Variants in FGD4 observed in about 807,000 individuals in gnomAD.
FGD4 encodes the protein FYVE, RhoGEF and PH domain containing 4, also known as FYVE, RhoGEF and PH domain-containing protein 4.
A neutral mutation model predicts 102.0 loss-of-function variants in FGD4; 42 were observed. The ratio of observed to expected loss-of-function variants is 0.41; its 90% CI spans 0.32 to 0.53. The LOEUF (loss-of-function observed/expected upper bound fraction) is 0.53, where lower values mean the gene tolerates loss of function less well. Among genes scored for constraint, FGD4 ranks in the 20% least tolerant of loss-of-function variants. The pLI, the probability that FGD4 is intolerant of heterozygous loss-of-function variation, is 0.21. For synonymous variants in FGD4, 380 were observed against 375.7 expected, an observed-to-expected ratio of 1.01 and a Z score of -0.13; for missense variants, 902 against 1,078.2, an observed-to-expected ratio of 0.84 and a Z score of 2.29.
Position 32,564,245 on chromosome 12 carries a change from G to T in FGD4, c.275G>T (p.Gly92Val), listed in dbSNP as rs1212922587. 2 of 1,535,990 alleles carry T rather than the reference G, an allele frequency of 1.3e-6. No individual in the cohort carries two copies. The highest frequency in any genetic ancestry group is 1.7e-6 in the Non-Finnish European group (2 of 1,146,916). ...VSEEEAQGINGNRPAKHSAAS... is the reference protein window; with the variant it reads ...VSEEEAQGINVNRPAKHSAAS... The stretch of plus-strand genomic sequence containing the variant: ...GAAGAAGAGGCTCAGGGAATAAATG[G>T]GAACAGGCCAGCAAAACACTCAGCT... Residue 92 changes from glycine to valine, a missense_variant, in exon 2 of 17, where the codon GGG (glycine) becomes GTG (valine). Gly to Val is a moderately radical substitution (Grantham distance 109). Transcript: ENST00000534526.
At chr12:32,458,638 C>T (rs556841846) in intron 1 of FGD4, among the ~76,000 whole-genome samples, 10 of 152,280 alleles carry the variant, frequency 6.6e-5, no homozygotes, top group Admixed American at 1.3e-4. Context: ...AGTGCTCCAT[C>T]GCCCATAACA....
chr12:32,625,626 TA>T, intron 13 of FGD4, 27 bp from the exon 14 acceptor site: 1 of 1,610,860 alleles, frequency 6.2e-7, no homozygotes, highest in Non-Finnish European at 8.5e-7. Flanking sequence ...TTTTTTCTAT[TA>T]AAATTGAATC....
At chr12:32,481,626 G>A (rs1485034359) in intron 1 of FGD4, among the ~76,000 whole-genome samples, 1 of 152,088 alleles carries the variant, frequency 6.6e-6, no homozygotes, top group Non-Finnish European at 1.5e-5. Context: ...TTCAAGACCA[G>A]CCTGACCAAC....
At chr12:32,459,296 C>T (rs1002112126) in intron 1 of FGD4, among the ~76,000 whole-genome samples, 6 of 150,302 alleles carry the variant, frequency 4.0e-5, no homozygotes, top group Non-Finnish European at 4.4e-5. Context: ...CAGGTTCAAG[C>T]GATTCTCATG....
chr12:32,639,670 A>G (rs1951054338), intron 16 of FGD4, among the ~76,000 whole-genome samples: 1 of 152,226 alleles, frequency 6.6e-6, no homozygotes, highest in Non-Finnish European at 1.5e-5. Context: ...ACCAGGTCCT[A>G]TGATTGTGTT....
At chr12:32,450,774 C>T (rs546158097) in intron 1 of FGD4, among the ~76,000 whole-genome samples, 1 of 152,278 alleles carries the variant, frequency 6.6e-6, no homozygotes, top group East Asian at 1.9e-4. Context: ...CTGACATATC[C>T]ACTTCTGATC....
At chr12:32,417,499 C>G (rs1344696829) in intron 1 of FGD4, among the ~76,000 whole-genome samples, 1 of 151,894 alleles carries the variant, frequency 6.6e-6, no homozygotes. Flanking sequence ...ACTCTGTCAC[C>G]CAGGCTGGAG....
intron 1 of FGD4, among the ~76,000 whole-genome samples, chr12:32,481,502 G>A (rs1943764275): frequency 6.6e-6 from 1 of 152,034 alleles, no homozygotes; most frequent in Non-Finnish European, 1.5e-5. Flanking sequence ...TTAGACCTAT[G>A]CCGTCCACTA....
At chr12:32,405,263 T>A (rs1162352172) in intron 1 of FGD4, among the ~76,000 whole-genome samples, 1 of 141,670 alleles carries the variant, frequency 7.1e-6, no homozygotes, top group Non-Finnish European at 1.5e-5. Flanking sequence ...AGTCAGTGGT[T>A]TTTTTTTTTT....
intron 1 of FGD4, among the ~76,000 whole-genome samples, chr12:32,443,939 AT>A (rs1942531026): frequency 6.6e-6 from 1 of 151,878 alleles, no homozygotes; most frequent in African/African-American, 2.4e-5. Context: ...AGATTTACTT[AT>A]TTTGAAAAAC....
At chr12:32,475,894 G>A (rs1159993381) in intron 1 of FGD4, among the ~76,000 whole-genome samples, 2 of 152,182 alleles carry the variant, frequency 1.3e-5, no homozygotes, top group Non-Finnish European at 2.9e-5. Flanking sequence ...TTTAACCCAT[G>A]AAGTCCAACT....
At chr12:32,464,709 T>TA in intron 1 of FGD4, among the ~76,000 whole-genome samples, 1 of 152,316 alleles carries the variant, frequency 6.6e-6, no homozygotes, top group East Asian at 1.9e-4. Flanking sequence ...CTCCAATTTT[T>TA]ATAGATGAAG....
intron 1 of FGD4, among the ~76,000 whole-genome samples, chr12:32,454,997 C>G (rs1591934712): frequency 6.6e-6 from 1 of 152,130 alleles, no homozygotes; most frequent in East Asian, 1.9e-4. Context: ...ATGTTTATTC[C>G]CAAGGTAACT....
At chr12:32,583,453 A>G (rs1039419938) in intron 4 of FGD4, among the ~76,000 whole-genome samples, 5 of 152,202 alleles carry the variant, frequency 3.3e-5, no homozygotes, top group African/African-American at 1.2e-4. Flanking sequence ...ATAGCTCACA[A>G]CCCTCATGCT....
chr12:32,561,485 A>G (rs1405222343), intron 1 of FGD4, among the ~76,000 whole-genome samples: 4 of 152,206 alleles, frequency 2.6e-5, no homozygotes, highest in African/African-American at 7.2e-5. Flanking sequence ...TTTTTTAAAA[A>G]TAGCTTGTTT....
At chr12:32,403,879 G>A (rs897422293) in intron 1 of FGD4, among the ~76,000 whole-genome samples, 6 of 152,018 alleles carry the variant, frequency 3.9e-5, no homozygotes, top group African/African-American at 1.5e-4. Flanking sequence ...ACAGGTGTGA[G>A]CCATCGTGCC....
chr12:32,563,020 G>A (rs1039571615), intron 1 of FGD4, among the ~76,000 whole-genome samples: 15 of 151,500 alleles, frequency 9.9e-5, no homozygotes, highest in Non-Finnish European at 1.6e-4. Context: ...CCTCCCGGAC[G>A]GGGCGGCTGG....
intron 1 of FGD4, among the ~76,000 whole-genome samples, chr12:32,412,899 AT>A (rs869107334): frequency 0.1 from 8,753 of 86,794 alleles, 426 homozygotes; most frequent in Middle Eastern, 0.23. Context: ...TTTTCTAGAA[AT>A]TTTTTTTTTT....
chr12:32,635,584 CAG>C (rs1436863212), intron 15 of FGD4, among the ~76,000 whole-genome samples: 1 of 151,968 alleles, frequency 6.6e-6, no homozygotes, highest in Admixed American at 6.6e-5. Context: ...TGTAAAGAGT[CAG>C]AGAGAAAATA....
Sources: gnomAD v4.1 joint callset for allele counts (sites outside exome capture counted in the v4.1 genomes callset) on GRCh38, gnomAD v4.1.1 for gene constraint, MANE v1.5 for transcripts, NCBI Gene and HGNC (gene_info 2026-07-23, HGNC 2026-07-21) for gene names.